VIPR1: variants seen among roughly 807,000 people sequenced by gnomAD.
VIPR1 encodes the protein vasoactive intestinal peptide receptor 1, also known as vasoactive intestinal polypeptide receptor 1.
VIPR1 carries 59 observed loss-of-function variants against 58.8 expected under a neutral mutation model. The observed-to-expected ratio is 1.00, with a 90% CI of 0.81 to 1.25. VIPR1 has a LOEUF of 1.25. VIPR1 is among the 50% of genes most tolerant of loss of function. The probability of loss-of-function intolerance (pLI) is 0.00; values close to 1 mark genes in which losing one functional copy is unlikely to be tolerated. For synonymous variants in VIPR1, 251 were observed against 242.1 expected, an observed-to-expected ratio of 1.04 and a Z score of -0.34; for missense variants, 626 against 602.7, an observed-to-expected ratio of 1.04 and a Z score of -0.40.
Position 42,531,472 on chromosome 3 carries a change from G to A in VIPR1, c.792G>A (p.Gly264=). 6.3e-7 allele frequency: 1 copy of A among 1,580,982 alleles called. No homozygotes were observed. The highest frequency in any genetic ancestry group is 1.2e-5 in the South Asian group (1 of 86,472). Residue 264 remains glycine, a splice_region_variant and synonymous_variant, in exon 8 of 13, where the codon GGG becomes GGA. Coordinates refer to ENST00000325123, the MANE Select transcript of VIPR1 (RefSeq NM_004624.4). The part of the protein sequence containing the change: ...YFWGYILIGW[G]VPSTFTMVWT... ...TTTCACTCTCCCTGGGCCTGACAGG[G>A]GTACCCAGCACATTCACCATGGTGT...
intron 2 of VIPR1, 88 bp downstream of exon 2, chr3:42,513,942 G>A (rs541629296): frequency 2.9e-5 from 41 of 1,406,200 alleles, no homozygotes; most frequent in South Asian, 1.2e-4. Context: ...AGTCACGTTC[G>A]TTCCACATTT....
intron 2 of VIPR1, among the ~76,000 whole-genome samples, chr3:42,518,123 T>C (rs1700727811): frequency 6.6e-6 from 1 of 152,054 alleles, no homozygotes; most frequent in South Asian, 2.1e-4. Flanking sequence ...AGCTATACTG[T>C]AAAATAAATA....
chr3:42,513,462 C>T (rs1164104074), intron 1 of VIPR1: 26 of 364,570 alleles, frequency 7.1e-5, no homozygotes, highest in Non-Finnish European at 1.2e-4. Context: ...GCCCTCTTGC[C>T]GCCATCTGGA....
Position 42,531,456 on chromosome 3 carries a change from C to G in VIPR1, c.791-15C>G. ...TGTGCCCTCTCTGCTCTTTCACTCT[C>G]CCTGGGCCTGACAGGGGTACCCAGC... On this transcript the variant is annotated splice_polypyrimidine_tract_variant and intron_variant, in intron 7 of 12. Transcript: ENST00000325123. 6.4e-7 allele frequency: 1 copy of G among 1,568,628 alleles called. No individual in the cohort carries two copies.
At chr3:42,535,469 A>G in intron 12 of VIPR1, 85 bp downstream of exon 12, 1 of 1,461,582 alleles carries the variant, frequency 6.8e-7, no homozygotes. Context: ...TGTGCAGAGC[A>G]AGGACGGGTT....
intron 1 of VIPR1, among the ~76,000 whole-genome samples, chr3:42,490,655 G>C (rs1471050570): frequency 1.3e-5 from 2 of 152,166 alleles, no homozygotes; most frequent in Non-Finnish European, 2.9e-5. Context: ...AGGTACCCTA[G>C]AGACACAATA....
At chr3:42,526,096 C>A in intron 4 of VIPR1, 103 bp downstream of exon 4, 3 of 1,153,588 alleles carry the variant, frequency 2.6e-6, no homozygotes, top group Non-Finnish European at 3.7e-6. Flanking sequence ...TGTGTGGGAA[C>A]AGGACTCCTG....
chr3:42,527,636 G>T (rs990684884), intron 5 of VIPR1, 140 bp downstream of exon 5: 12 of 793,452 alleles, frequency 1.5e-5, no homozygotes, highest in Middle Eastern at 7.0e-4. Context: ...CTCCTGCCAG[G>T]CCAGCTTCCC....
intron 1 of VIPR1, chr3:42,509,016 A>C (rs1419959754): frequency 6.6e-6 from 1 of 152,170 alleles, no homozygotes; most frequent in East Asian, 1.9e-4. Flanking sequence ...AGGGTAAATG[A>C]AACCACTCCT....
chr3:42,527,475 C>T lies in VIPR1; in HGVS notation c.482C>T (p.Thr161Ile). The T allele has an allele frequency of 4.3e-6, 7 of 1,613,902 alleles. No homozygotes were observed. The highest frequency in any genetic ancestry group is 5.9e-6 in the Non-Finnish European group (7 of 1,179,968). The change falls in exon 5 of 13, where the codon ACA becomes ATA. Residue 161 changes from threonine (T) to isoleucine (I), a missense_variant. Coordinates refer to ENST00000325123, the MANE Select transcript of VIPR1 (RefSeq NM_004624.4). Reference sequence around the variant, plus strand: ...TCCCTCGCCACCCTTCTGGTCGCCACAGCTATCCTGAGCCTGTTCAGGTGA... The same window carrying T: ...TCCCTCGCCACCCTTCTGGTCGCCATAGCTATCCTGAGCCTGTTCAGGTGA... ...GLSLATLLVA[T>I]AILSLFRKLH...
At chr3:42,493,724 A>G (rs1256265302) in intron 1 of VIPR1, among the ~76,000 whole-genome samples, 3 of 152,198 alleles carry the variant, frequency 2.0e-5, no homozygotes, top group South Asian at 2.1e-4. Flanking sequence ...AGTTAAATAG[A>G]TACTCCCACC....
At chr3:42,513,548 G>A (rs1260518371) in intron 1 of VIPR1, 1 of 541,816 alleles carries the variant, frequency 1.8e-6, no homozygotes, top group East Asian at 3.0e-5. Flanking sequence ...GCTGTGGCAG[G>A]GTCCTCGGGG....
At chr3:42,497,444 A>T (rs1699784823) in intron 1 of VIPR1, among the ~76,000 whole-genome samples, 3 of 152,136 alleles carry the variant, frequency 2.0e-5, no homozygotes, top group Admixed American at 2.0e-4. Context: ...ACACGCGGAC[A>T]TACATGCACA....
intron 3 of VIPR1, chr3:42,521,722 G>A (rs1434064330): frequency 6.6e-6 from 1 of 152,104 alleles, no homozygotes; most frequent in Admixed American, 6.6e-5. Context: ...ACATCAAAAT[G>A]TTCATGGTAG....
chr3:42,535,930 G>A (rs893270896), intron 12 of VIPR1, among the ~76,000 whole-genome samples, 160 bp from the exon 13 acceptor site: 9 of 152,100 alleles, frequency 5.9e-5, no homozygotes, highest in South Asian at 2.1e-4. Context: ...CCTCAACCCA[G>A]TCCCAAGTTT....
chr3:42,526,107 G>A (rs1195017064), intron 4 of VIPR1, 114 bp downstream of exon 4: 1 of 1,019,768 alleles, frequency 9.8e-7, no homozygotes, highest in Admixed American at 2.2e-5. Flanking sequence ...AGGACTCCTG[G>A]AGTCTGCCCT....
Position 42,502,705 on chromosome 3 carries a change from G to A in VIPR1, c.-31G>A. 1 of 1,279,506 alleles carries A rather than the reference G, an allele frequency of 7.8e-7. No homozygotes were observed. The highest frequency in any genetic ancestry group is 9.8e-7 in the Non-Finnish European group (1 of 1,017,506). The allele number at this position is 1,279,506 out of a possible 1,614,324, so 79.3% of individuals were successfully genotyped here. A position where few individuals can be genotyped will look rare whatever the true frequency, so the allele number is the denominator to read the frequency against. On this transcript the variant is annotated 5_prime_UTR_variant, in exon 1 of 13. Coordinates refer to ENST00000325123, the MANE Select transcript of VIPR1 (RefSeq NM_004624.4). The stretch of plus-strand genomic sequence containing the variant: ...CCGCCCGCCAGCTCTTTGCCCGCGC[G>A]GGGCCGCCCGCCGCGGGCTCAGGGC...
chr3:42,519,071 C>T (rs1351830062), intron 2 of VIPR1, 152 bp from the exon 3 acceptor site: 4 of 570,566 alleles, frequency 7.0e-6, no homozygotes, highest in South Asian at 2.9e-5. Flanking sequence ...GTGCAACCTC[C>T]GCAGGGCTGT....
Position 42,511,043 on chromosome 3 carries a change from T to TGG in VIPR1, c.79-2705_79-2704dup, listed in dbSNP as rs367832268. Among the ~76,000 whole-genome samples the TGG allele has an allele frequency of 1.1e-3, 171 of 152,326 alleles. 1 individual carries two copies. Among genetic ancestry groups the TGG allele is most frequent in the African/African-American group, 3.7e-3 (155 of 41,564 alleles). On this transcript the variant is annotated intron_variant, in intron 1 of 12. Coordinates refer to ENST00000325123, the MANE Select transcript of VIPR1 (RefSeq NM_004624.4). ...TTATCTTGTCCTCAGAGGGCAAGGC[T>TGG]GGACACTTTTGTTTACAGCGACCAA...
Sources: gnomAD v4.1 joint callset for allele counts (sites outside exome capture counted in the v4.1 genomes callset) on GRCh38, gnomAD v4.1.1 for gene constraint, MANE v1.5 for transcripts, NCBI Gene and HGNC (gene_info 2026-07-23, HGNC 2026-07-21) for gene names.